The following JAG1 variants were observed in gnomAD, a reference collection of about 807,000 sequenced individuals.
JAG1 encodes jagged canonical Notch ligand 1.
A neutral mutation model predicts 148.7 loss-of-function variants in JAG1; 23 were observed. The observed-to-expected ratio is 0.15, with a 90% CI of 0.11 to 0.22. JAG1 has a LOEUF of 0.22. Ranked by LOEUF, JAG1 falls within the 10% of genes least tolerant of loss-of-function variation. The pLI is 1.00. For synonymous variants in JAG1, 572 were observed against 598.3 expected, an observed-to-expected ratio of 0.96 and a Z score of 0.64; for missense variants, 1,054 against 1,611.2, an observed-to-expected ratio of 0.65 and a Z score of 5.92.
Position 10,645,276 on chromosome 20 carries a change from T to C in JAG1, c.2114-20A>G. 5 of 1,611,320 alleles carry C rather than the reference T, an allele frequency of 3.1e-6. No individual in the cohort carries two copies. The highest frequency in any genetic ancestry group is 4.2e-6 in the Non-Finnish European group (5 of 1,177,426). On this transcript the variant is annotated intron_variant, in intron 16 of 25. Coordinates refer to ENST00000254958, the MANE Select transcript of JAG1 (RefSeq NM_000214.3). The surrounding 1 kb of genome is among the most constrained non-coding windows in gnomAD (Gnocchi z 6.1). ...TGTCACCTGGAGGAAAATATTTCAG[T>C]GTGAGTCCCAGTGGCCCCCTCCCAC...
chr20:10,644,604 TG>T, intron 18 of JAG1: 1 of 645,550 alleles, frequency 1.5e-6, no homozygotes, highest in Non-Finnish European at 2.8e-6. Flanking sequence ...GGGATAGGGG[TG>T]GGGGTGAGAA....
Position 10,644,344 on chromosome 20 carries a change from A to T in JAG1, c.2372+13T>A, listed in dbSNP as rs768213112. The T allele has an allele frequency of 3.7e-6, 6 of 1,604,402 alleles. No individual in the cohort carries two copies. The Admixed American group carries it at 1.0e-4, about 27-fold the overall frequency. Reference sequence around the variant, plus strand: ...AGTGGATGAGTGCTGGCTTAAAAGGATGTCACACTTACCAGGGATGAGGGC... The same window carrying T: ...AGTGGATGAGTGCTGGCTTAAAAGGTTGTCACACTTACCAGGGATGAGGGC... On this transcript the variant is annotated intron_variant, in intron 19 of 25. Coordinates refer to ENST00000254958, the MANE Select transcript of JAG1 (RefSeq NM_000214.3).
chr20:10,672,621 C>T, intron 2 of JAG1, 80 bp downstream of exon 2: 1 of 1,421,178 alleles, frequency 7.0e-7, no homozygotes, highest in East Asian at 2.3e-5. Context: ...CCCTTTAAAT[C>T]CCTCTCGCAA....
At position 10,673,345 on chromosome 20, in the gene JAG1, G is replaced by C; in HGVS notation, c.81+105C>G. The C allele has an allele frequency of 1.2e-5, 10 of 862,434 alleles. No homozygotes were observed. The highest frequency in any genetic ancestry group is 3.1e-5 in the Admixed American group (1 of 31,758). 53.4% of individuals were successfully genotyped at this position (862,434 alleles called of 1,614,324 possible). A position where few individuals can be genotyped will look rare whatever the true frequency, so the allele number is the denominator to read the frequency against. On this transcript the variant is annotated intron_variant, in intron 1 of 25. Coordinates refer to ENST00000254958, the MANE Select transcript of JAG1 (RefSeq NM_000214.3). The surrounding 1 kb of genome is among the most constrained non-coding windows in gnomAD (Gnocchi z 4.7). ...CGCTCGGGCGCAGGGGCGAGGAGTC[G>C]GGCGCTCGAGGGCTGCCGAGCCTGC...
At chr20:10,665,319 C>T (rs905697928) in intron 2 of JAG1, among the ~76,000 whole-genome samples, 8 of 152,102 alleles carry the variant, frequency 5.3e-5, no homozygotes, top group South Asian at 2.1e-4. Flanking sequence ...GGAATTCAGC[C>T]GAAATATGTT....
At chr20:10,668,008 G>A (rs1444229399) in intron 2 of JAG1, among the ~76,000 whole-genome samples, 1 of 147,238 alleles carries the variant, frequency 6.8e-6, no homozygotes. Flanking sequence ...GACTATTTAT[G>A]TACTCCTTTA....
chr20:10,656,935 C>CTAACA (rs1297341455), intron 4 of JAG1, among the ~76,000 whole-genome samples: 2 of 149,064 alleles, frequency 1.3e-5, no homozygotes, highest in East Asian at 4.0e-4. Flanking sequence ...TTCCATGGGA[C>CTAACA]TAACAGAGCC....
intron 5 of JAG1, among the ~76,000 whole-genome samples, chr20:10,653,450 G>A (rs370980238): frequency 1.3e-5 from 2 of 150,704 alleles, no homozygotes; most frequent in Non-Finnish European, 2.9e-5. Context: ...AGGGGGCAGC[G>A]TCTCAAACCA....
chr20:10,658,355 A>T, intron 4 of JAG1, 113 bp downstream of exon 4: 1 of 1,405,890 alleles, frequency 7.1e-7, no homozygotes, highest in Non-Finnish European at 9.9e-7. Context: ...CCAGAATAAC[A>T]GCCAAAATCC....
In JAG1 at chr20:10,645,203, C is replaced by T; in HGVS notation, c.2167G>A (p.Glu723Lys). The change falls in exon 17 of 26, where the codon GAG (glutamate) becomes AAG (lysine). Residue 723 changes from glutamate (E) to lysine (K), a missense_variant. Transcript: ENST00000254958. The surrounding 1 kb of genome is among the most constrained non-coding windows in gnomAD (Gnocchi z 6.1). ...TCNNGGTCYDEGDAFKCMCPG... is the reference protein window; with the variant it reads ...TCNNGGTCYDKGDAFKCMCPG... Reference sequence around the variant, plus strand: ...CACATGCACTTAAAAGCATCCCCCTCATCATAGCAGGTGCCACCGTTGTTG... The same window carrying T: ...CACATGCACTTAAAAGCATCCCCCTTATCATAGCAGGTGCCACCGTTGTTG... 2 of 1,614,114 alleles carry T rather than the reference C, an allele frequency of 1.2e-6. No individual in the cohort carries two copies. The highest frequency in any genetic ancestry group is 1.7e-6 in the Non-Finnish European group (2 of 1,180,028).
Position 10,640,778 on chromosome 20 carries a change from C to A in JAG1, c.3199+5G>T, listed in dbSNP as rs767962769. ...TCACACAAACTAGTCCCACTTGACA[C>A]CTACCTGTTCTGTTCTTCAGAGGCC... On this transcript the variant is annotated splice_donor_5th_base_variant and intron_variant, in intron 25 of 25. Transcript: ENST00000254958. 6.2e-7 allele frequency: 1 copy of A among 1,614,078 alleles called. No individual in the cohort carries two copies. The highest frequency in any genetic ancestry group is 1.1e-5 in the South Asian group (1 of 91,076).
At position 10,647,991 on chromosome 20, in the gene JAG1, C is replaced by G. The variant is rs930662596; in HGVS notation, c.1689G>C (p.Leu563=). The change falls in exon 13 of 26, where the codon CTG becomes CTC. Residue 563 remains leucine, a synonymous_variant. Transcript: ENST00000254958. ...AGGGGGTCGTGCGGCAGTGGTCTTT[C>G]AGGTGTGAGCAGTTCTTGCCCTCAT... ...EDYEGKNCSH[L]KDHCRTTPCE... 6.2e-7 allele frequency: 1 copy of G among 1,614,210 alleles called. No individual in the cohort carries two copies.
rs1300773254 is a variant in JAG1 at position 10,652,178 on chromosome 20, T to C, written c.959A>G (p.Tyr320Cys). 4 of 1,614,090 alleles carry C rather than the reference T, an allele frequency of 2.5e-6. No individual in the cohort carries two copies. The highest frequency in any genetic ancestry group is 3.4e-6 in the Non-Finnish European group (4 of 1,179,948). Residue 320 changes from tyrosine to cysteine, a missense_variant, in exon 7 of 26, where the codon TAT (tyrosine) becomes TGT (cysteine). Tyr to Cys is a radical substitution (Grantham distance 194). Transcript: ENST00000254958. ...ATACCCCTCAGGGCAGGAACACTGA[T>C]ATTTGTCAGGGCCTGTGTTGCTACA... Reference protein sequence around the residue: ...GTCSNTGPDKYQCSCPEGYSG... With the variant: ...GTCSNTGPDKCQCSCPEGYSG...
At position 10,652,264 on chromosome 20, in the gene JAG1, C is replaced by G. The variant is rs2067352031; in HGVS notation, c.887-14G>C. On this transcript the variant is annotated splice_polypyrimidine_tract_variant and intron_variant, in intron 6 of 25. Transcript: ENST00000254958. ...AGTAATTGAGATCTGCCAAAAAGAT[C>G]CTGGAGTCACTAAGAGACGCCTGTG... 6.2e-7 allele frequency: 1 copy of G among 1,613,756 alleles called. No individual in the cohort carries two copies. Among genetic ancestry groups the G allele is most frequent in the Non-Finnish European group, 8.5e-7 (1 of 1,179,910 alleles).
chr20:10,641,064 G>A lies in JAG1; in HGVS notation c.3048+49C>T, dbSNP rs139092361. ...TGCTCCATTCAGACACTGGTTAACC[G>A]AACTGCCTTGCCATCGAATAATGAG... is the stretch of plus-strand genomic sequence containing the variant. On this transcript the variant is annotated intron_variant, in intron 24 of 25. Transcript: ENST00000254958. 1.3e-4 allele frequency: 214 copies of A among 1,613,524 alleles called. 1 individual carries two copies. The East Asian group carries it at 4.1e-3, about 31-fold the overall frequency.
chr20:10,646,825 CAAA>C (rs79074328), intron 14 of JAG1, 111 bp downstream of exon 14: 319 of 886,932 alleles, frequency 3.6e-4, no homozygotes, highest in Middle Eastern at 1.0e-3. Context: ...AATTCGGTCT[CAAA>C]AAAAAAAAAA....
intron 2 of JAG1, among the ~76,000 whole-genome samples, chr20:10,665,562 G>C (rs920001968): frequency 6.6e-6 from 1 of 152,198 alleles, no homozygotes; most frequent in Non-Finnish European, 1.5e-5. Context: ...TCTTCCCTAA[G>C]AGCAGCAAGA....
chr20:10,671,404 G>A (rs2067493946), intron 2 of JAG1, among the ~76,000 whole-genome samples: 1 of 152,064 alleles, frequency 6.6e-6, no homozygotes, highest in African/African-American at 2.4e-5. Context: ...TTTGATAACT[G>A]TCTTATCTCA....
rs978024646 is a variant in JAG1 at position 10,673,889 on chromosome 20, G to A, written c.-359C>T. On this transcript the variant is annotated 5_prime_UTR_variant, in exon 1 of 26. Coordinates refer to ENST00000254958, the MANE Select transcript of JAG1 (RefSeq NM_000214.3). This position sits in a 1 kb window ranked among gnomAD's most constrained non-coding sequence, Gnocchi z 4.7. ...TTTTAGATCAGCTGCATGGAAAAAG[G>A]GGGGAGGGAGGGGAGAAAAAAAAAA... 4 of 155,150 alleles carry A rather than the reference G, an allele frequency of 2.6e-5. No individual in the cohort carries two copies. In the South Asian group the frequency reaches 8.3e-4, roughly 32 times the overall value. The allele number at this position is 155,150 out of a possible 1,614,324, so 9.6% of individuals were successfully genotyped here.
Sources: gnomAD v4.1 joint callset for allele counts (sites outside exome capture counted in the v4.1 genomes callset) on GRCh38, gnomAD v4.1.1 for gene constraint, Gnocchi (gnomAD v3.1) non-coding constraint, MANE v1.5 for transcripts, NCBI Gene and HGNC (gene_info 2026-07-23, HGNC 2026-07-21) for gene names.